DLG3: variants seen among roughly 807,000 people sequenced by gnomAD.
The protein encoded by DLG3 is disks large homolog 3.
In DLG3, 1 loss-of-function variant was observed where a neutral mutation model predicts 64.1. The observed-to-expected ratio is 0.02, with a 90% confidence interval of 0.01 to 0.07. DLG3 has a LOEUF of 0.07. Among genes scored for constraint, DLG3 ranks in the 10% least tolerant of loss-of-function variants. The pLI is 1.00. For synonymous variants in DLG3, 245 were observed against 259.8 expected (o/e 0.94, Z 0.55); for missense variants, 429 against 669.5 (o/e 0.64, Z 3.96).
chrX:70,452,030 A>C lies in DLG3; in HGVS notation c.1145+4A>C. ...TGGCTGAGGAGGACTTCACCAGGTAAGACCCCGCCCCCAACATCCCATTCA... is the reference window on the plus strand; with the variant it reads ...TGGCTGAGGAGGACTTCACCAGGTACGACCCCGCCCCCAACATCCCATTCA... On this transcript the variant is annotated splice_donor_region_variant and intron_variant, in intron 7 of 18. Transcript: ENST00000374360. The C allele has an allele frequency of 8.3e-7, 1 of 1,210,114 alleles. No individual in the cohort carries two copies. The highest frequency in any genetic ancestry group is 1.8e-5 in the South Asian group (1 of 56,817).
intron 18 of DLG3, 83 bp downstream of exon 18, chrX:70,501,072 A>C (rs1354672631): frequency 1.3e-6 from 1 of 761,380 alleles, no homozygotes; most frequent in Non-Finnish European, 2.0e-6. Context: ...AGGTGTAGAC[A>C]GAATGTAGAA....
chrX:70,464,557 C>T (rs1341340355), intron 9 of DLG3, among the ~76,000 whole-genome samples: 1 of 112,296 alleles, frequency 8.9e-6, no homozygotes, highest in Non-Finnish European at 1.9e-5. Context: ...CCACTACCCC[C>T]GGCCAAGACT....
chrX:70,459,273 A>G (rs979266937), intron 9 of DLG3, among the ~76,000 whole-genome samples: 2 of 112,475 alleles, frequency 1.8e-5, no homozygotes, highest in Admixed American at 9.5e-5. Flanking sequence ...TATTTCTGTA[A>G]GTTATTTTAA....
At chrX:70,474,496 A>G (rs2087021457) in intron 9 of DLG3, among the ~76,000 whole-genome samples, 1 of 110,633 alleles carries the variant, frequency 9.0e-6, no homozygotes, top group Non-Finnish European at 1.9e-5. Context: ...GTTTACAGTA[A>G]TGGGGGTTTG....
At chrX:70,493,547 C>T (rs186431564) in intron 12 of DLG3, 15 of 958,134 alleles carry the variant, frequency 1.6e-5, no homozygotes, top group Admixed American at 5.0e-5. Context: ...GCCCTTCCCT[C>T]GAGAGAAGCC....
At chrX:70,482,660 G>GTTTTTTTTTTTTTTT (rs200729766) in intron 10 of DLG3, among the ~76,000 whole-genome samples, 1 of 69,250 alleles carries the variant, frequency 1.4e-5, no homozygotes, top group Non-Finnish European at 2.7e-5. Context: ...TACATGTGTG[G>GTTTTTTTTTTTTTTT]TGTTTTTTTT....
At chrX:70,466,247 T>TGTG (rs2086882371) in intron 9 of DLG3, among the ~76,000 whole-genome samples, 2 of 84,446 alleles carry the variant, frequency 2.4e-5, no homozygotes, top group African/African-American at 8.9e-5. Context: ...TCTTGGTCAT[T>TGTG]TGTGTGTGTG....
At position 70,502,346 on chromosome X, in the gene DLG3, C is replaced by T. The variant is rs769310356; in HGVS notation, c.*77C>T. The T allele has an allele frequency of 1.4e-6, 1 of 738,950 alleles. No individual in the cohort carries two copies. 60.9% of individuals were successfully genotyped at this position (738,950 alleles called of 1,213,427 possible). ...CCCTCCTCCCTCTTCATTCCTGTCC[C>T]CATGGGGAGAACAAATGCTACTGTT... is the stretch of plus-strand genomic sequence containing the variant. On this transcript the variant is annotated 3_prime_UTR_variant, in exon 19 of 19. Transcript: ENST00000374360.
At chrX:70,457,595 G>A (rs1261644825) in intron 9 of DLG3, among the ~76,000 whole-genome samples, 5 of 104,799 alleles carry the variant, frequency 4.8e-5, no homozygotes, top group Admixed American at 1.0e-4. Context: ...TTTTTGAGAC[G>A]GAGTCTTGCT....
intron 9 of DLG3, 58 bp downstream of exon 9, chrX:70,454,374 T>A: frequency 9.4e-7 from 1 of 1,058,851 alleles, no homozygotes; most frequent in Non-Finnish European, 1.3e-6. Context: ...ATATTATGTG[T>A]TGGCTTTTTG....
chrX:70,488,538 T>C (rs761080357), intron 10 of DLG3, among the ~76,000 whole-genome samples: 4 of 111,873 alleles, frequency 3.6e-5, no homozygotes, highest in Non-Finnish European at 7.5e-5. Flanking sequence ...ATCCACATCA[T>C]GGGTTTGGAA....
intron 2 of DLG3, 140 bp downstream of exon 2, chrX:70,449,103 C>G: frequency 1.3e-6 from 1 of 751,888 alleles, no homozygotes; most frequent in Non-Finnish European, 2.0e-6. Context: ...TCAGAGGCTG[C>G]TTCACTGCAT....
At chrX:70,486,871 T>G (rs771309909) in intron 10 of DLG3, among the ~76,000 whole-genome samples, 1 of 110,897 alleles carries the variant, frequency 9.0e-6, no homozygotes, top group Non-Finnish European at 1.9e-5. Context: ...AAGGTATTCC[T>G]TCTTCCTCTC....
At chrX:70,496,443 A>G (rs887030321) in intron 13 of DLG3, among the ~76,000 whole-genome samples, 34 of 112,491 alleles carry the variant, frequency 3.0e-4, no homozygotes, top group Non-Finnish European at 5.6e-4. Flanking sequence ...TGTGCCTCCT[A>G]CGAGCGCTGC....
At chrX:70,454,688 C>G (rs1362002292) in intron 9 of DLG3, among the ~76,000 whole-genome samples, 1 of 111,966 alleles carries the variant, frequency 8.9e-6, no homozygotes, top group Admixed American at 9.4e-5. Context: ...GTTAGAAGGA[C>G]CTCAGGTAGA....
Position 70,492,034 on chromosome X carries a change from C to A in DLG3, c.1521-73C>A, listed in dbSNP as rs946117873. 20 of 1,108,534 alleles carry A rather than the reference C, an allele frequency of 1.8e-5. No homozygotes were observed. In the African/African-American group the frequency reaches 3.7e-4, roughly 20 times the overall value. The allele number at this position is 1,108,534 out of a possible 1,213,427, so 91.4% of individuals were successfully genotyped here. ...TGTCTGTGCTGTTTGGGTTGGCCTT[C>A]CATCTTTTCAAGGTGCCAGTGTCTT... On this transcript the variant is annotated intron_variant, in intron 10 of 18. Coordinates refer to ENST00000374360, the MANE Select transcript of DLG3 (RefSeq NM_021120.4).
intron 9 of DLG3, among the ~76,000 whole-genome samples, chrX:70,456,786 G>A (rs1223865110): frequency 9.1e-6 from 1 of 110,117 alleles, no homozygotes; most frequent in African/African-American, 3.3e-5. Flanking sequence ...ACAGATCCCT[G>A]GAGACTGGTC....
intron 9 of DLG3, among the ~76,000 whole-genome samples, chrX:70,474,379 G>A (rs1465394672): frequency 9.0e-6 from 1 of 111,005 alleles, no homozygotes; most frequent in Non-Finnish European, 1.9e-5. Flanking sequence ...TCAACAGTAC[G>A]GCAATGACAA....
chrX:70,470,550 G>A, intron 9 of DLG3, among the ~76,000 whole-genome samples: 1 of 111,588 alleles, frequency 9.0e-6, no homozygotes, highest in South Asian at 3.8e-4. Flanking sequence ...AATTTGATAG[G>A]CAGGATGTTA....
Sources: allele counts gnomAD v4.1 joint callset (sites outside exome capture counted in the v4.1 genomes callset), GRCh38; gene constraint gnomAD v4.1.1; transcripts MANE v1.5; gene names NCBI Gene and HGNC (gene_info 2026-07-23, HGNC 2026-07-21).